Variants in DOCK7 observed in about 807,000 individuals in gnomAD.
DOCK7 encodes dedicator of cytokinesis 7, also known as dedicator of cytokinesis protein 7.
A neutral mutation model predicts 271.0 loss-of-function variants in DOCK7; 138 were observed. The observed-to-expected ratio is 0.51, with a 90% CI of 0.44 to 0.59. DOCK7 has a LOEUF of 0.59. Among genes scored for constraint, DOCK7 ranks in the 20% least tolerant of loss-of-function variants. The pLI, the probability that DOCK7 is intolerant of heterozygous loss-of-function variation, is 0.00. For synonymous variants in DOCK7, 823 were observed against 876.1 expected, an observed-to-expected ratio of 0.94 and a Z score of 1.07; for missense variants, 2,066 against 2,592.4, an observed-to-expected ratio of 0.80 and a Z score of 4.41.
At chr1:62,553,354 ATTTTTTTTTTTTTTTTTTTTTTTTT>A (rs1159680880) in intron 21 of DOCK7, among the ~76,000 whole-genome samples, 1 of 17,320 alleles carries the variant, frequency 5.8e-5, no homozygotes, top group Non-Finnish European at 9.8e-5. Flanking sequence ...ATATATATAT[ATTTTTTTTTTTTTTTTTTTTTTTTT>A]TTTTTTAATA....
intron 43 of DOCK7, chr1:62,481,460 C>T (rs1163812899): frequency 1.3e-5 from 2 of 152,064 alleles, no homozygotes; most frequent in Non-Finnish European, 2.9e-5. Flanking sequence ...CATATTGCTT[C>T]GCCTGCAGGA....
chr1:62,661,389 C>T (rs1300372575), intron 2 of DOCK7, among the ~76,000 whole-genome samples: 1 of 151,768 alleles, frequency 6.6e-6, no homozygotes, highest in African/African-American at 2.4e-5. Context: ...TACTTAATGC[C>T]AGTGAATTGT....
intron 16 of DOCK7, 79 bp downstream of exon 16, chr1:62,583,105 T>C: frequency 8.4e-7 from 1 of 1,196,686 alleles, no homozygotes; most frequent in Non-Finnish European, 1.2e-6. Context: ...AGCAAAGCAT[T>C]TGGTAAACAC....
chr1:62,504,877 C>A (rs1396470059), intron 36 of DOCK7, 95 bp from the exon 37 acceptor site: 2 of 1,381,070 alleles, frequency 1.4e-6, no homozygotes, highest in Non-Finnish European at 1.9e-6. Context: ...GTTAGTATAG[C>A]CCAGAAATTA....
chr1:62,616,358 CACTT>C (rs1250107102), intron 14 of DOCK7, among the ~76,000 whole-genome samples: 1 of 151,566 alleles, frequency 6.6e-6, no homozygotes, highest in African/African-American at 2.4e-5. Flanking sequence ...TCAAGTGTAT[CACTT>C]ACATCAACTG....
Position 62,578,983 on chromosome 1 carries a change from A to G in DOCK7, c.1872-17T>C, listed in dbSNP as rs758283634. The G allele has an allele frequency of 9.2e-6, 14 of 1,522,458 alleles. No individual in the cohort carries two copies. The highest frequency in any genetic ancestry group is 1.4e-5 in the African/African-American group (1 of 70,490). The allele number at this position is 1,522,458 out of a possible 1,614,324, so 94.3% of individuals were successfully genotyped here. A position where few individuals can be genotyped will look rare whatever the true frequency, so the allele number is the denominator to read the frequency against. On this transcript the variant is annotated splice_polypyrimidine_tract_variant and intron_variant, in intron 16 of 49. Transcript: ENST00000635253. ...TCAGGAGACCTTCATACAAAAAAAA[A>G]AAAAAATCAACAGTCAGTAATTTGT...
At chr1:62,481,008 CAA>C (rs35993847) in intron 43 of DOCK7, among the ~76,000 whole-genome samples, 2 of 94,654 alleles carry the variant, frequency 2.1e-5, no homozygotes, top group Admixed American at 1.4e-4. Flanking sequence ...GACTCCGTCT[CAA>C]AAAAAAAAAA....
chr1:62,625,435 T>C (rs1210736574), intron 11 of DOCK7, 34 bp from the exon 12 acceptor site: 6 of 1,564,122 alleles, frequency 3.8e-6, no homozygotes, highest in African/African-American at 2.7e-5. Context: ...TTCATTTTCA[T>C]AGAAGTTAAA....
At chr1:62,545,979 G>A (rs1455839876) in intron 22 of DOCK7, among the ~76,000 whole-genome samples, 4 of 152,144 alleles carry the variant, frequency 2.6e-5, no homozygotes, top group Non-Finnish European at 4.4e-5. Context: ...TGGAACTGGA[G>A]CAAGTTGTAA....
rs138235439 is a variant in DOCK7, at chr1:62,560,837, T to C, written c.2199+780A>G. Among the ~76,000 whole-genome samples, 277 of 152,316 alleles carry C rather than the reference T, an allele frequency of 1.8e-3. 1 individual carries two copies. Among genetic ancestry groups the C allele is most frequent in the African/African-American group, 6.5e-3 (269 of 41,572 alleles). ...AATTTAGTTAATATATGTAACACTG[T>C]ACTAATTTTATCATACTTTTTACAC... On this transcript the variant is annotated intron_variant, in intron 19 of 49. Transcript: ENST00000635253.
At chr1:62,505,109 A>G (rs1276977607) in intron 36 of DOCK7, among the ~76,000 whole-genome samples, 4 of 152,220 alleles carry the variant, frequency 2.6e-5, no homozygotes, top group Non-Finnish European at 5.9e-5. Flanking sequence ...TGAATTCTAT[A>G]TTTATTACAA....
rs113189146 is a variant in DOCK7, at chr1:62,685,345, T to C, written c.38+2882A>G. On this transcript the variant is annotated intron_variant, in intron 1 of 49. Transcript: ENST00000635253. ...AGAATTTGTGCTATACTTCCTCTAA[T>C]AGAAAAGTTAAAAAGCAGAACACGA... Among the ~76,000 whole-genome samples the C allele has an allele frequency of 9.6e-3, 1,463 of 152,290 alleles. 10 individuals are homozygous for C. Among genetic ancestry groups the C allele is most frequent in the Middle Eastern group, 0.024 (7 of 294 alleles).
intron 7 of DOCK7, among the ~76,000 whole-genome samples, chr1:62,642,461 A>G (rs1455705545): frequency 6.6e-6 from 1 of 152,050 alleles, no homozygotes; most frequent in Non-Finnish European, 1.5e-5. Context: ...GGACTGACTT[A>G]TAGTTCCACT....
chr1:62,494,076 T>C (rs1201178340), intron 40 of DOCK7, among the ~76,000 whole-genome samples, 199 bp downstream of exon 40: 1 of 152,190 alleles, frequency 6.6e-6, no homozygotes, highest in African/African-American at 2.4e-5. Context: ...GGTAAGAAAC[T>C]GTGGAAAGAG....
intron 12 of DOCK7, among the ~76,000 whole-genome samples, chr1:62,620,240 G>A (rs1476829983): frequency 2.6e-5 from 4 of 151,804 alleles, no homozygotes; most frequent in South Asian, 2.1e-4. Context: ...GGAGAATCAC[G>A]GGAGATGGAG....
At chr1:62,553,006 G>A (rs2149422665) in intron 21 of DOCK7, 105 bp from the exon 22 acceptor site, 2 of 744,388 alleles carry the variant, frequency 2.7e-6, no homozygotes, top group Non-Finnish European at 3.8e-6. Flanking sequence ...ATCATGAATT[G>A]CTTTGGTTTC....
intron 48 of DOCK7, chr1:62,458,915 G>A (rs1645431397): frequency 6.6e-6 from 1 of 152,066 alleles, no homozygotes; most frequent in Non-Finnish European, 1.5e-5. Context: ...AGACAATGAA[G>A]GAAAGGATAT....
chr1:62,528,015 G>A, intron 31 of DOCK7, 136 bp downstream of exon 31: 1 of 909,520 alleles, frequency 1.1e-6, no homozygotes, highest in Non-Finnish European at 1.5e-6. Context: ...TAATATTCTG[G>A]GAACTTTAAT....
At chr1:62,592,212 C>T (rs1382900282) in intron 14 of DOCK7, among the ~76,000 whole-genome samples, 1 of 151,994 alleles carries the variant, frequency 6.6e-6, no homozygotes, top group Non-Finnish European at 1.5e-5. Context: ...CTTTACATTG[C>T]ATTTAAAATT....
Sources: allele counts gnomAD v4.1 joint callset (sites outside exome capture counted in the v4.1 genomes callset), GRCh38; gene constraint gnomAD v4.1.1; transcripts MANE v1.5; gene names NCBI Gene and HGNC (gene_info 2026-07-23, HGNC 2026-07-21).